Variants in CWC27 observed in about 807,000 individuals in gnomAD.
The protein encoded by CWC27 is CWC27 spliceosome associated cyclophilin.
CWC27 carries 47 observed loss-of-function variants against 63.6 expected under a neutral mutation model. The ratio of observed to expected loss-of-function variants is 0.74; its 90% CI spans 0.58 to 0.94. The LOEUF (loss-of-function observed/expected upper bound fraction) is 0.94, where lower values mean the gene tolerates loss of function less well. CWC27 is among the 40% of genes least tolerant of loss of function. The pLI, the probability that CWC27 is intolerant of heterozygous loss-of-function variation, is 0.00. For missense variants in CWC27, 495 were observed against 554.3 expected (o/e 0.89, Z 1.07); for synonymous variants, 175 against 179.8 (o/e 0.97, Z 0.22).
chr5:64,849,067 C>G (rs1295999309), intron 10 of CWC27, among the ~76,000 whole-genome samples: 1 of 152,034 alleles, frequency 6.6e-6, no homozygotes, highest in Non-Finnish European at 1.5e-5. Flanking sequence ...GCTGACAACA[C>G]AATGTTATAT....
chr5:64,984,181 A>T, intron 13 of CWC27, among the ~76,000 whole-genome samples: 1 of 152,100 alleles, frequency 6.6e-6, no homozygotes, highest in Non-Finnish European at 1.5e-5. Flanking sequence ...TCAATTCACA[A>T]AATAATGTCC....
At chr5:64,878,470 TAAAAAAAA>T (rs397998002) in intron 10 of CWC27, among the ~76,000 whole-genome samples, 456 of 26,936 alleles carry the variant, frequency 0.017, 8 homozygotes, top group African/African-American at 0.053. Context: ...GGTTACAGAT[TAAAAAAAA>T]AAAAAAAAAA....
chr5:64,991,953 A>G (rs1380192087), intron 13 of CWC27, among the ~76,000 whole-genome samples: 1 of 152,158 alleles, frequency 6.6e-6, no homozygotes, highest in Non-Finnish European at 1.5e-5. Context: ...ATAAAATTAT[A>G]CAGAATAACC....
chr5:64,935,000 T>C (rs914228221), intron 11 of CWC27, among the ~76,000 whole-genome samples: 17 of 152,250 alleles, frequency 1.1e-4, no homozygotes, highest in African/African-American at 4.1e-4. Context: ...ATTCTGGATA[T>C]TAGCCCATTG....
chr5:64,917,410 A>T (rs565381760), intron 11 of CWC27, among the ~76,000 whole-genome samples: 24 of 152,234 alleles, frequency 1.6e-4, no homozygotes, highest in African/African-American at 5.5e-4. Flanking sequence ...AAATTGAATT[A>T]TGTTAGTTTT....
intron 7 of CWC27, among the ~76,000 whole-genome samples, chr5:64,791,924 TCC>T (rs1744093322): frequency 6.6e-6 from 1 of 152,124 alleles, no homozygotes; most frequent in African/African-American, 2.4e-5. Flanking sequence ...ATCTGTTTTT[TCC>T]TTTTAATTTA....
intron 10 of CWC27, among the ~76,000 whole-genome samples, chr5:64,824,630 G>A (rs558697506): frequency 4.0e-5 from 6 of 150,312 alleles, no homozygotes; most frequent in African/African-American, 9.8e-5. Flanking sequence ...AGTCCTAAGG[G>A]TACCTTCTTC....
intron 11 of CWC27, among the ~76,000 whole-genome samples, chr5:64,959,242 A>G (rs2112431967): frequency 6.6e-6 from 1 of 152,288 alleles, no homozygotes; most frequent in East Asian, 1.9e-4. Context: ...CTATTTGAAT[A>G]TATCACCTTA....
Position 64,781,931 on chromosome 5 carries a change from C to T in CWC27, c.150C>T (p.Asp50=), listed in dbSNP as rs377689139. The stretch of plus-strand genomic sequence containing the variant: ...TTATTTTTTTTTCAGCTTATTATGA[C>T]AATACCATTTTTCATAGAGTTGTGC... The part of the protein sequence containing the change: ...FIQLCLEAYY[D]NTIFHRVVPG... Residue 50 remains aspartate, a synonymous_variant, in exon 3 of 14, where the codon GAC becomes GAT. Transcript: ENST00000381070. The T allele has an allele frequency of 1.9e-6, 3 of 1,551,526 alleles. No individual in the cohort carries two copies. Among genetic ancestry groups the T allele is most frequent in the South Asian group, 2.3e-5 (2 of 85,906 alleles).
chr5:64,976,022 C>T (rs1157501379), intron 12 of CWC27, among the ~76,000 whole-genome samples: 2 of 151,932 alleles, frequency 1.3e-5, no homozygotes, highest in East Asian at 1.9e-4. Flanking sequence ...GAGCCAAGAT[C>T]GCGCCATTGC....
chr5:64,776,548 C>T (rs1396132382), intron 2 of CWC27, among the ~76,000 whole-genome samples: 3 of 152,004 alleles, frequency 2.0e-5, no homozygotes, highest in Non-Finnish European at 1.5e-5. Context: ...ATAACCACAA[C>T]AATTATCTTA....
intron 10 of CWC27, among the ~76,000 whole-genome samples, chr5:64,857,098 G>A (rs1299058823): frequency 2.0e-5 from 3 of 152,174 alleles, no homozygotes; most frequent in Non-Finnish European, 4.4e-5. Flanking sequence ...TTGATTTAAG[G>A]TTTGAATAAG....
In CWC27 at chr5:64,770,855, A is replaced by G. The variant is rs557676160; in HGVS notation, c.42+1667A>G. ...TTGCTTTATTCTAAAGCAAGATTTG[A>G]CATGGTCATATAGATGAAAAGCTTT... On this transcript the variant is annotated intron_variant, in intron 1 of 13. Coordinates refer to ENST00000381070, the MANE Select transcript of CWC27 (RefSeq NM_005869.4). Among the ~76,000 whole-genome samples the G allele has an allele frequency of 2.6e-5, 4 of 152,352 alleles. No individual in the cohort carries two copies. In the South Asian group the frequency reaches 6.2e-4, roughly 24 times the overall value.
chr5:64,803,968 C>A (rs557061198), intron 9 of CWC27, among the ~76,000 whole-genome samples: 1 of 152,158 alleles, frequency 6.6e-6, no homozygotes, highest in African/African-American at 2.4e-5. Flanking sequence ...AAGTCTGCTG[C>A]ACAAAGGAGC....
intron 3 of CWC27, among the ~76,000 whole-genome samples, chr5:64,783,132 T>G (rs940619172): frequency 3.3e-5 from 5 of 152,222 alleles, no homozygotes; most frequent in Non-Finnish European, 7.3e-5. Context: ...AGGAAAAATA[T>G]CTTCCTTTGT....
In CWC27 at chr5:64,917,723, C is replaced by T. The variant is rs534753903; in HGVS notation, c.1042+32177C>T. ...TTTGAACTGGGACATTTGTTTCTTC[C>T]TTCTCAGACTCAACCAAAATATTGA... On this transcript the variant is annotated intron_variant, in intron 11 of 13. Transcript: ENST00000381070. 9.7e-4 allele frequency among the ~76,000 whole-genome samples: 147 copies of T among 152,232 alleles called. 2 individuals are homozygous for T. The highest frequency in any genetic ancestry group is 6.8e-3 in the Middle Eastern group (2 of 294).
At chr5:65,004,903 T>TATAC (rs1260185642) in intron 13 of CWC27, among the ~76,000 whole-genome samples, 1 of 59,722 alleles carries the variant, frequency 1.7e-5, no homozygotes. Flanking sequence ...TATATATATA[T>TATAC]ATACATACAC....
In CWC27 at chr5:64,790,598, G is replaced by C. The variant is rs568181096; in HGVS notation, c.669+1578G>C. 7.9e-5 allele frequency among the ~76,000 whole-genome samples: 12 copies of C among 152,134 alleles called. No individual in the cohort carries two copies. The South Asian group carries it at 2.5e-3, about 32-fold the overall frequency. On this transcript the variant is annotated intron_variant, in intron 7 of 13. Coordinates refer to ENST00000381070, the MANE Select transcript of CWC27 (RefSeq NM_005869.4). ...ACCCCTGTTTTTCCTTTTGCCAGGA[G>C]TATGCTCTCTCCTTAAAGTGTTTTT...
At chr5:64,787,847 A>G (rs1743939801) in intron 6 of CWC27, among the ~76,000 whole-genome samples, 1 of 152,140 alleles carries the variant, frequency 6.6e-6, no homozygotes, top group Non-Finnish European at 1.5e-5. Context: ...AAAGTTGATT[A>G]AACTTTCTAA....
Sources: allele counts gnomAD v4.1 joint callset (sites outside exome capture counted in the v4.1 genomes callset), GRCh38; gene constraint gnomAD v4.1.1; transcripts MANE v1.5; gene names NCBI Gene and HGNC (gene_info 2026-07-23, HGNC 2026-07-21).